The following RNF111 variants were observed in gnomAD, a reference collection of about 807,000 sequenced individuals.
RNF111 encodes the protein ring finger protein 111, also known as E3 ubiquitin-protein ligase Arkadia.
RNF111 carries 17 observed loss-of-function variants against 95.1 expected under a neutral mutation model. The observed-to-expected ratio is 0.18, with a 90% CI of 0.12 to 0.27. RNF111 has a LOEUF of 0.27. Ranked by LOEUF, RNF111 falls within the 10% of genes least tolerant of loss-of-function variation. The pLI is 1.00. For synonymous variants in RNF111, 440 were observed against 414.8 expected (o/e 1.06, Z -0.74); for missense variants, 1,189 against 1,210.4 (o/e 0.98, Z 0.26).
chr15:59,004,104 AT>A (rs1213398528), intron 1 of RNF111: 1 of 1,121,424 alleles, frequency 8.9e-7, no homozygotes, highest in African/African-American at 1.7e-5. Flanking sequence ...TCTTGGATTT[AT>A]TTATTTTATT....
intron 1 of RNF111, among the ~76,000 whole-genome samples, chr15:59,012,842 G>A (rs1436700614): frequency 2.6e-5 from 4 of 151,652 alleles, no homozygotes; most frequent in Non-Finnish European, 2.9e-5. Context: ...AGGTTCAAGC[G>A]ATTCTCCCAC....
intron 7 of RNF111, among the ~76,000 whole-genome samples, chr15:59,078,122 T>C (rs1397937618): frequency 6.6e-6 from 1 of 152,226 alleles, no homozygotes; most frequent in Non-Finnish European, 1.5e-5. Flanking sequence ...GGATAAGTTA[T>C]TTAATCTCTC....
chr15:59,041,027 C>A (rs2041422579), intron 2 of RNF111, among the ~76,000 whole-genome samples: 1 of 152,120 alleles, frequency 6.6e-6, no homozygotes, highest in East Asian at 1.9e-4. Flanking sequence ...ACCCCCTTCT[C>A]TTACTCAAAA....
intron 13 of RNF111, among the ~76,000 whole-genome samples, chr15:59,094,429 G>A (rs909129884): frequency 4.6e-5 from 7 of 152,134 alleles, no homozygotes; most frequent in Non-Finnish European, 7.4e-5. Context: ...ATACAGTGAT[G>A]ATTTGATTTT....
At chr15:59,003,083 C>T (rs758618171) in intron 1 of RNF111, among the ~76,000 whole-genome samples, 3 of 152,176 alleles carry the variant, frequency 2.0e-5, no homozygotes, top group Non-Finnish European at 4.4e-5. Context: ...GCCTTGAACT[C>T]CTGGCCTCAA....
chr15:59,032,746 G>A (rs953260498), intron 2 of RNF111, among the ~76,000 whole-genome samples: 13 of 152,138 alleles, frequency 8.5e-5, no homozygotes, highest in African/African-American at 1.4e-4. Flanking sequence ...TAGCTGAAAA[G>A]TAATTTCAAG....
intron 2 of RNF111, among the ~76,000 whole-genome samples, chr15:59,036,256 C>T (rs566358844): frequency 2.9e-4 from 44 of 152,230 alleles, no homozygotes; most frequent in African/African-American, 1.0e-3. Context: ...CTGGGTTTCA[C>T]CATGGTGGCC....
At chr15:59,019,776 T>C (rs1440331410) in intron 1 of RNF111, among the ~76,000 whole-genome samples, 2 of 152,132 alleles carry the variant, frequency 1.3e-5, no homozygotes, top group African/African-American at 4.8e-5. Context: ...CTGGCCAACG[T>C]GGTAAAACCC....
chr15:58,991,222 G>A (rs1466113104), intron 1 of RNF111, among the ~76,000 whole-genome samples: 1 of 151,884 alleles, frequency 6.6e-6, no homozygotes, highest in African/African-American at 2.4e-5. Flanking sequence ...GCTTGAACCC[G>A]GGAGGTGGAG....
intron 5 of RNF111, among the ~76,000 whole-genome samples, chr15:59,066,216 T>G (rs1294856620): frequency 6.6e-6 from 1 of 152,210 alleles, no homozygotes; most frequent in Non-Finnish European, 1.5e-5. Flanking sequence ...TTGCCATACT[T>G]ACACATCACA....
At chr15:58,989,537 C>G (rs143843255) in intron 1 of RNF111, among the ~76,000 whole-genome samples, 1 of 152,176 alleles carries the variant, frequency 6.6e-6, no homozygotes, top group Non-Finnish European at 1.5e-5. Flanking sequence ...ATCCTTCTGT[C>G]ACTTCTTAAC....
Position 59,066,871 on chromosome 15 carries a change from C to A in RNF111, c.1474C>A (p.Gln492Lys). 1 of 1,614,096 alleles carries A rather than the reference C, an allele frequency of 6.2e-7. No individual in the cohort carries two copies. The highest frequency in any genetic ancestry group is 2.2e-5 in the East Asian group (1 of 44,870). ...GCACTCACCATGTGGAGGGTCGTCA[C>A]AGAACCACCATGCATTAGGACATCC... is the stretch of plus-strand genomic sequence containing the variant. ...PQHSPCGGSSQNHHALGHPHT... is the reference protein window; with the variant it reads ...PQHSPCGGSSKNHHALGHPHT... Residue 492 changes from glutamine (Q) to lysine (K), a missense_variant, in exon 6 of 14, where the codon CAG (glutamine) becomes AAG (lysine). This residue lies in a region of RNF111 where 1,024 missense variants were observed against 925.9 expected (regional missense o/e 1.11). Coordinates refer to ENST00000348370, the MANE Select transcript of RNF111 (RefSeq NM_017610.8).
At chr15:59,011,815 A>C (rs1330969867) in intron 1 of RNF111, among the ~76,000 whole-genome samples, 1 of 152,082 alleles carries the variant, frequency 6.6e-6, no homozygotes, top group East Asian at 1.9e-4. Context: ...TTAGGACTTC[A>C]ACGTATGAAT....
intron 1 of RNF111, among the ~76,000 whole-genome samples, chr15:58,998,616 G>A (rs2039187202): frequency 6.6e-6 from 1 of 152,200 alleles, no homozygotes; most frequent in Admixed American, 6.5e-5. Flanking sequence ...CTGTAGTTGT[G>A]TGAACTTGGA....
Position 59,092,540 on chromosome 15 carries a change from A to G in RNF111, c.2743A>G (p.Lys915Glu), listed in dbSNP as rs1375524766. The G allele has an allele frequency of 6.2e-7, 1 of 1,612,372 alleles. No homozygotes were observed. Among genetic ancestry groups the G allele is most frequent in the Non-Finnish European group, 8.5e-7 (1 of 1,178,928 alleles). Residue 915 changes from lysine (K) to glutamate (E), a missense_variant, in exon 13 of 14, where the codon AAA becomes GAA. This residue lies in a region of RNF111 where 165 missense variants were observed against 284.6 expected (regional missense o/e 0.58). Coordinates refer to ENST00000348370, the MANE Select transcript of RNF111 (RefSeq NM_017610.8). The part of the protein sequence containing the change: ...CTYPHKYKKR[K>E]LHCKQDGEEG... ...AACAACTGATTGGTTCTCACAGAGG[A>G]AACTGCACTGCAAACAAGATGGGGA...
At chr15:59,054,289 G>A (rs531576241) in intron 3 of RNF111, among the ~76,000 whole-genome samples, 8 of 152,220 alleles carry the variant, frequency 5.3e-5, no homozygotes, top group Admixed American at 3.3e-4. Flanking sequence ...TTTGTGTCAG[G>A]ATTTGACAGT....
Position 59,045,648 on chromosome 15 carries a change from AAT to A in RNF111, c.881-6654_881-6653del, listed in dbSNP as rs2041673793. Among the ~76,000 whole-genome samples the A allele has an allele frequency of 2.0e-5, 3 of 152,372 alleles. No homozygotes were observed. The East Asian group carries it at 5.8e-4, about 29-fold the overall frequency. On this transcript the variant is annotated intron_variant, in intron 2 of 13. Coordinates refer to ENST00000348370, the MANE Select transcript of RNF111 (RefSeq NM_017610.8). ...TTGAAATAAGGAAAGTTTTTTAAAAAATATGACTTGTCGTTGATACATAATGC... is the reference window on the plus strand; with the variant it reads ...TTGAAATAAGGAAAGTTTTTTAAAAAATGACTTGTCGTTGATACATAATGC...
intron 2 of RNF111, among the ~76,000 whole-genome samples, chr15:59,038,502 T>C (rs1224078580): frequency 1.3e-5 from 2 of 152,150 alleles, no homozygotes; most frequent in African/African-American, 4.8e-5. Flanking sequence ...TAGTTTTTGG[T>C]TTTATGATTT....
At chr15:59,091,214 A>G (rs551405652) in intron 12 of RNF111, 60 bp downstream of exon 12, 5 of 917,526 alleles carry the variant, frequency 5.4e-6, no homozygotes, top group Non-Finnish European at 6.9e-6. Context: ...TGTAATATAT[A>G]CCTTTTTTGA....
Sources: gnomAD v4.1 joint callset for allele counts (sites outside exome capture counted in the v4.1 genomes callset) on GRCh38, gnomAD v4.1.1 for gene constraint, gnomAD v4.1.1 regional missense constraint, MANE v1.5 for transcripts, NCBI Gene and HGNC (gene_info 2026-07-23, HGNC 2026-07-21) for gene names.